The following ZNF469 variants were observed in gnomAD, a reference collection of about 807,000 sequenced individuals.
ZNF469 encodes the protein zinc finger protein 469.
ZNF469 carries 1 observed loss-of-function variant against 1.0 expected under a neutral mutation model. That is an observed-to-expected ratio of 1.00 (90% CI 0.35 to 4.73). The LOEUF is 4.73. Ranked by LOEUF, ZNF469 falls within the 30% of genes most tolerant of loss-of-function variation. The pLI, the probability that ZNF469 is intolerant of heterozygous loss-of-function variation, is 0.16. For synonymous variants in ZNF469, 2,703 were observed against 2,363.4 expected, an observed-to-expected ratio of 1.14 and a Z score of -4.17; for missense variants, 6,100 against 5,356.3, an observed-to-expected ratio of 1.14 and a Z score of -4.33.
chr16:88,315,497 A>G, the ZNF469 span, among the ~76,000 whole-genome samples: 1 of 152,218 alleles, frequency 6.6e-6, no homozygotes, highest in Non-Finnish European at 1.5e-5. Context: ...TGTTCTTTGC[A>G]GAGCCCGCTG....
the ZNF469 span, among the ~76,000 whole-genome samples, chr16:88,247,401 TAAG>T: frequency 6.7e-6 from 1 of 149,070 alleles, no homozygotes; most frequent in Admixed American, 6.7e-5. Context: ...AATCAGTAAA[TAAG>T]TGAGTGAGTG....
At position 88,439,401 on chromosome 16, in the gene ZNF469, C is replaced by T. The variant is rs999541674; in HGVS notation, c.*69C>T. ...CTCGGCCTGCCTCCTTGGCCAGCTC[C>T]GGCTCCCTGAGATGGTCCACTCTGT... On this transcript the variant is annotated 3_prime_UTR_variant, in exon 3 of 3. Coordinates refer to ENST00000565624, the MANE Select transcript of ZNF469 (RefSeq NM_001367624.2). The T allele has an allele frequency of 5.7e-5, 86 of 1,517,408 alleles. 1 individual carries two copies. Among genetic ancestry groups the T allele is most frequent in the Admixed American group, 5.5e-4 (28 of 50,916 alleles). The allele number at this position is 1,517,408 out of a possible 1,614,324, so 94.0% of individuals were successfully genotyped here.
chr16:88,208,190 C>A, the ZNF469 span, among the ~76,000 whole-genome samples: 1 of 151,716 alleles, frequency 6.6e-6, no homozygotes, highest in Non-Finnish European at 1.5e-5. Flanking sequence ...GGTGGGAGCC[C>A]CTTCAAGCCA....
chr16:88,107,823 G>A, the ZNF469 span, among the ~76,000 whole-genome samples: 6 of 152,238 alleles, frequency 3.9e-5, no homozygotes, highest in Non-Finnish European at 8.8e-5. Context: ...GCACAGCACT[G>A]TAGCCCTTGG....
Position 88,429,016 on chromosome 16 carries a change from G to A in ZNF469, c.1546G>A (p.Gly516Ser). ...FPAGGPEWQGGSQGALGTAGK... is the reference protein window; with the variant it reads ...FPAGGPEWQGSSQGALGTAGK... ...CGCGGGGGGCCCCGAGTGGCAGGGG[G>A]GCAGCCAAGGAGCCCTGGGCACTGC... Residue 516 changes from glycine (G) to serine (S), a missense_variant, in exon 3 of 3, where the codon GGC (glycine) becomes AGC (serine). By Grantham distance (56) the Gly-to-Ser change is moderately conservative. Transcript: ENST00000565624. The A allele has an allele frequency of 1.9e-6, 3 of 1,549,446 alleles. No homozygotes were observed. The highest frequency in any genetic ancestry group is 2.6e-6 in the Non-Finnish European group (3 of 1,146,818).
At chr16:88,247,003 A>ATGAGTGAATCAATGAG in the ZNF469 span, among the ~76,000 whole-genome samples, 1 of 151,260 alleles carries the variant, frequency 6.6e-6, no homozygotes, top group Non-Finnish European at 1.5e-5. Flanking sequence ...GAGTGAGTGA[A>ATGAGTGAATCAATGAG]TGAGTGAATC....
the ZNF469 span, among the ~76,000 whole-genome samples, chr16:88,256,896 TTC>T: frequency 1.1e-4 from 3 of 27,126 alleles, no homozygotes; most frequent in Admixed American, 8.1e-4. Context: ...TTTTCTTTCC[TTC>T]TTTCTTTCTT....
At chr16:88,358,978 G>C in the ZNF469 span, among the ~76,000 whole-genome samples, 12 of 152,148 alleles carry the variant, frequency 7.9e-5, no homozygotes, top group Non-Finnish European at 1.5e-4. Flanking sequence ...GGCTTCCTTG[G>C]ACAGCTCTTG....
At chr16:88,323,670 T>TG in the ZNF469 span, among the ~76,000 whole-genome samples, 378 of 152,096 alleles carry the variant, frequency 2.5e-3, 3 homozygotes, top group African/African-American at 8.3e-3. Flanking sequence ...GTAGAGGTAT[T>TG]GGGGGGGCTG....
At chr16:88,381,226 TCACA>T (rs576084840), upstream of ZNF469, among the ~76,000 whole-genome samples, 20 of 81,256 alleles carry the variant, frequency 2.5e-4, no homozygotes, top group Non-Finnish European at 4.1e-4. Context: ...AGACATGCAC[TCACA>T]CACGCACTCA....
At chr16:88,257,904 CT>C in the ZNF469 span, among the ~76,000 whole-genome samples, 7 of 152,202 alleles carry the variant, frequency 4.6e-5, no homozygotes, top group African/African-American at 1.4e-4. Flanking sequence ...CCCTTTTCCC[CT>C]CTCACTTCCT....
the ZNF469 span, among the ~76,000 whole-genome samples, chr16:88,126,504 G>A: frequency 1.4e-5 from 2 of 147,316 alleles, no homozygotes; most frequent in Non-Finnish European, 3.0e-5. Context: ...ATAACTGGAT[G>A]TTGAGTTTTG....
the ZNF469 span, among the ~76,000 whole-genome samples, chr16:88,363,811 C>T: frequency 6.6e-6 from 1 of 152,182 alleles, no homozygotes; most frequent in South Asian, 2.1e-4. Flanking sequence ...TGCCTTTATT[C>T]CCTCTCCAGC....
In ZNF469 at chr16:88,388,601, A is replaced by G. The variant is rs995873747; in HGVS notation, c.-192+5347A>G. On this transcript the variant is annotated intron_variant, in intron 1 of 2. Transcript: ENST00000565624. ...GCTTCTCTGCATTCCGGGCAGGGGCAGGAATGTGACTTGCTAAGATCCCAG... is the reference window on the plus strand; with the variant it reads ...GCTTCTCTGCATTCCGGGCAGGGGCGGGAATGTGACTTGCTAAGATCCCAG... 2.0e-5 allele frequency among the ~76,000 whole-genome samples: 3 copies of G among 152,350 alleles called. No individual in the cohort carries two copies. The South Asian group carries it at 6.2e-4, about 32-fold the overall frequency.
intron 1 of ZNF469, among the ~76,000 whole-genome samples, chr16:88,415,386 C>T (rs1040141688): frequency 3.9e-5 from 6 of 152,354 alleles, no homozygotes; most frequent in African/African-American, 1.4e-4. Context: ...CCTCCTCAAA[C>T]CTCAGCCAGA....
At chr16:88,380,784 ACACACATGCACT>A (rs137880756), upstream of ZNF469, among the ~76,000 whole-genome samples, 32,165 of 139,824 alleles carry the variant, frequency 0.23, 6,581 homozygotes, top group African/African-American at 0.54. Flanking sequence ...ACATGCACTC[ACACACATGCACT>A]CACACATGCA....
the ZNF469 span, among the ~76,000 whole-genome samples, chr16:88,282,795 G>T: frequency 6.6e-6 from 1 of 152,188 alleles, no homozygotes; most frequent in Non-Finnish European, 1.5e-5. Flanking sequence ...TCGATGGAGT[G>T]GATGCAGCTA....
At chr16:88,175,593 CAT>C in the ZNF469 span, among the ~76,000 whole-genome samples, 97 of 152,354 alleles carry the variant, frequency 6.4e-4, no homozygotes, top group African/African-American at 2.2e-3. Context: ...CTAAATAACT[CAT>C]GTTTCAAAGA....
intron 1 of ZNF469, among the ~76,000 whole-genome samples, chr16:88,406,579 G>C (rs1484903345): frequency 2.0e-5 from 3 of 152,194 alleles, no homozygotes; most frequent in African/African-American, 7.2e-5. Context: ...CCTGCCCAGG[G>C]TGAGGGACTT....
Sources: gnomAD v4.1 joint callset for allele counts (sites outside exome capture counted in the v4.1 genomes callset) on GRCh38, gnomAD v4.1.1 for gene constraint, MANE v1.5 for transcripts, NCBI Gene and HGNC (gene_info 2026-07-23, HGNC 2026-07-21) for gene names.